The following GNAQ variants were observed in gnomAD, a reference collection of about 807,000 sequenced individuals.
The protein encoded by GNAQ is guanine nucleotide-binding protein G(q) subunit alpha.
A neutral mutation model predicts 43.9 loss-of-function variants in GNAQ; 8 were observed. That is an observed-to-expected ratio of 0.18 (90% confidence interval 0.11 to 0.33). The LOEUF is 0.33. Among genes scored for constraint, GNAQ ranks in the 10% least tolerant of loss-of-function variants. The pLI, the probability that GNAQ is intolerant of heterozygous loss-of-function variation, is 1.00. For synonymous variants in GNAQ, 155 were observed against 170.7 expected (o/e 0.91, Z 0.71); for missense variants, 158 against 450.8 (o/e 0.35, Z 5.88).
At chr9:77,814,442 A>T (rs1826979974) in intron 3 of GNAQ, among the ~76,000 whole-genome samples, 1 of 152,170 alleles carries the variant, frequency 6.6e-6, no homozygotes, top group Non-Finnish European at 1.5e-5. Flanking sequence ...TTAAAATATT[A>T]AATACTACAA....
chr9:77,950,913 A>C (rs770665676), intron 1 of GNAQ, among the ~76,000 whole-genome samples: 5 of 152,172 alleles, frequency 3.3e-5, no homozygotes, highest in Non-Finnish European at 7.3e-5. Flanking sequence ...CTATATTGTC[A>C]TTGAAAACAT....
intron 1 of GNAQ, among the ~76,000 whole-genome samples, chr9:77,975,166 G>T (rs1156772381): frequency 6.6e-6 from 1 of 152,110 alleles, no homozygotes; most frequent in Non-Finnish European, 1.5e-5. Context: ...CTTTTTTGGT[G>T]ACCCAGGATT....
In GNAQ at chr9:77,721,208, C is replaced by A. The variant is rs974410278; in HGVS notation, c.*115G>T. On this transcript the variant is annotated 3_prime_UTR_variant, in exon 7 of 7. Transcript: ENST00000286548. ...CTCTGTGGACACGCTCACACAGAGT[C>A]CAGGACGGCAATAAATTAGTATTAT... is the stretch of plus-strand genomic sequence containing the variant. 1.1e-5 allele frequency: 7 copies of A among 646,424 alleles called. No homozygotes were observed. Among genetic ancestry groups the A allele is most frequent in the Admixed American group, 2.9e-5 (1 of 34,106 alleles). The allele number at this position is 646,424 out of a possible 1,614,324, so 40.0% of individuals were successfully genotyped here.
rs1290235886 is a variant in GNAQ at position 78,025,480 on chromosome 9, C to A, written c.136+5620G>T. Among the ~76,000 whole-genome samples, 4 of 152,314 alleles carry A rather than the reference C, an allele frequency of 2.6e-5. No individual in the cohort carries two copies. The South Asian group carries it at 6.2e-4, about 24-fold the overall frequency. On this transcript the variant is annotated intron_variant, in intron 1 of 6. Coordinates refer to ENST00000286548, the MANE Select transcript of GNAQ (RefSeq NM_002072.5). ...TACCTTCTATTGCTATTTCACACTT[C>A]ACTAGGATTAAGTCTGCAGAGATCT...
chr9:77,895,785 G>A (rs575083496), intron 2 of GNAQ, among the ~76,000 whole-genome samples: 17 of 152,164 alleles, frequency 1.1e-4, no homozygotes, highest in African/African-American at 3.4e-4. Context: ...GGATCTTTCC[G>A]GTGCTGTTCG....
At chr9:77,879,754 T>C (rs546592285) in intron 2 of GNAQ, among the ~76,000 whole-genome samples, 3 of 152,348 alleles carry the variant, frequency 2.0e-5, no homozygotes, top group Non-Finnish European at 2.9e-5. Flanking sequence ...GCAGATATGA[T>C]ACGGTGAGAT....
chr9:77,805,061 A>G (rs922375748), intron 3 of GNAQ, among the ~76,000 whole-genome samples: 1 of 150,778 alleles, frequency 6.6e-6, no homozygotes, highest in East Asian at 1.9e-4. Flanking sequence ...GAAAAAAGTG[A>G]AAAAAAAATT....
chr9:77,896,385 C>T (rs1777290151), intron 2 of GNAQ, among the ~76,000 whole-genome samples: 1 of 152,156 alleles, frequency 6.6e-6, no homozygotes, highest in South Asian at 2.1e-4. Flanking sequence ...TTTTACCATA[C>T]TATACTATTT....
At chr9:77,910,755 C>T (rs971263388) in intron 2 of GNAQ, among the ~76,000 whole-genome samples, 2 of 152,140 alleles carry the variant, frequency 1.3e-5, no homozygotes, top group Non-Finnish European at 2.9e-5. Flanking sequence ...ACACTTTCAA[C>T]TTTTCCAGAC....
chr9:78,029,795 C>A (rs529880708), intron 1 of GNAQ, among the ~76,000 whole-genome samples: 2 of 152,158 alleles, frequency 1.3e-5, no homozygotes, highest in Admixed American at 6.5e-5. Context: ...TCACAAACAC[C>A]AACTAACAGT....
At chr9:77,992,128 T>C (rs940432977) in intron 1 of GNAQ, among the ~76,000 whole-genome samples, 2 of 152,242 alleles carry the variant, frequency 1.3e-5, no homozygotes, top group African/African-American at 4.8e-5. Flanking sequence ...CTTTTAGTTC[T>C]CTAAGAAATC....
intron 5 of GNAQ, among the ~76,000 whole-genome samples, chr9:77,748,809 T>A (rs1327383340): frequency 1.3e-5 from 2 of 152,218 alleles, no homozygotes; most frequent in African/African-American, 2.4e-5. Flanking sequence ...AAGTGTTTAA[T>A]AATTGGATTT....
intron 1 of GNAQ, among the ~76,000 whole-genome samples, chr9:77,979,093 T>G (rs1288902417): frequency 1.3e-5 from 2 of 151,964 alleles, no homozygotes; most frequent in South Asian, 4.1e-4. Context: ...TGGTGGCTCA[T>G]GCCTGTAATT....
chr9:77,824,346 T>C (rs1827160011), intron 2 of GNAQ, among the ~76,000 whole-genome samples: 1 of 152,232 alleles, frequency 6.6e-6, no homozygotes, highest in Non-Finnish European at 1.5e-5. Context: ...GAATGGTAAG[T>C]AATCTCACTC....
chr9:77,867,787 G>C (rs1827971815), intron 2 of GNAQ, among the ~76,000 whole-genome samples: 1 of 152,174 alleles, frequency 6.6e-6, no homozygotes, highest in African/African-American at 2.4e-5. Flanking sequence ...TTAAGAGCTG[G>C]CCCATCCAAT....
chr9:77,996,406 G>C (rs990747746), intron 1 of GNAQ, among the ~76,000 whole-genome samples: 2 of 152,118 alleles, frequency 1.3e-5, no homozygotes, highest in South Asian at 2.1e-4. Flanking sequence ...TTGGCTAGGC[G>C]CGGTGGCTCA....
At chr9:77,905,868 G>A (rs1587400351) in intron 2 of GNAQ, among the ~76,000 whole-genome samples, 1 of 152,238 alleles carries the variant, frequency 6.6e-6, no homozygotes, top group Non-Finnish European at 1.5e-5. Flanking sequence ...CTCATAAGTA[G>A]GAGTTGAACA....
At chr9:77,901,350 C>G (rs1477385981) in intron 2 of GNAQ, among the ~76,000 whole-genome samples, 20 of 152,196 alleles carry the variant, frequency 1.3e-4, no homozygotes, top group Non-Finnish European at 1.6e-4. Flanking sequence ...TTATCTCTCA[C>G]CACAAAACCT....
chr9:77,848,854 G>A (rs1396054237), intron 2 of GNAQ, among the ~76,000 whole-genome samples: 1 of 152,110 alleles, frequency 6.6e-6, no homozygotes, highest in African/African-American at 2.4e-5. Flanking sequence ...AAGAACACAA[G>A]CAACACTAAA....
Sources: gnomAD v4.1 joint callset for allele counts (sites outside exome capture counted in the v4.1 genomes callset) on GRCh38, gnomAD v4.1.1 for gene constraint, MANE v1.5 for transcripts, NCBI Gene and HGNC (gene_info 2026-07-23, HGNC 2026-07-21) for gene names.